Variants in MED20 observed in about 807,000 individuals in gnomAD.
MED20 encodes the protein mediator complex subunit 20, also known as mediator of RNA polymerase II transcription subunit 20.
A neutral mutation model predicts 19.7 loss-of-function variants in MED20; 19 were observed. The ratio of observed to expected loss-of-function variants is 0.96; its 90% CI spans 0.67 to 1.42. The LOEUF (loss-of-function observed/expected upper bound fraction) is 1.42, where lower values mean the gene tolerates loss of function less well. MED20 is among the 40% of genes most tolerant of loss of function. The probability of loss-of-function intolerance (pLI) is 0.00; values close to 1 mark genes in which losing one functional copy is unlikely to be tolerated. For synonymous variants in MED20, 105 were observed against 104.8 expected, an observed-to-expected ratio of 1.00 and a Z score of -0.01; for missense variants, 225 against 273.0, an observed-to-expected ratio of 0.82 and a Z score of 1.24.
chr6:41,917,414 AT>A, intron 1 of MED20: 1 of 179,000 alleles, frequency 5.6e-6, no homozygotes, highest in Non-Finnish European at 1.2e-5. Flanking sequence ...AAAAAAAAAA[AT>A]TTAAGACCAG....
chr6:41,913,255 C>T (rs1775240921), intron 2 of MED20, among the ~76,000 whole-genome samples: 1 of 152,134 alleles, frequency 6.6e-6, no homozygotes, highest in Non-Finnish European at 1.5e-5. Context: ...GTGTGAGAAT[C>T]ACTGATCTAA....
chr6:41,906,264 C>G lies in MED20; in HGVS notation c.*808G>C, dbSNP rs1376227519. 1.3e-5 allele frequency: 2 copies of G among 152,136 alleles called. No homozygotes were observed. Among genetic ancestry groups the G allele is most frequent in the East Asian group, 3.8e-4 (2 of 5,200 alleles). The allele number at this position is 152,136 out of a possible 1,614,324, so 9.4% of individuals were successfully genotyped here. ...CTCTCTCTCTTTCCCCAGTGGAATG[C>G]AGATATGGAGCTGATGAGTCTGCTT... On this transcript the variant is annotated 3_prime_UTR_variant, in exon 4 of 4. Transcript: ENST00000265350.
chr6:41,907,805 A>G (rs925418466), intron 3 of MED20, among the ~76,000 whole-genome samples: 2 of 152,206 alleles, frequency 1.3e-5, no homozygotes, highest in African/African-American at 4.8e-5. Flanking sequence ...CAAAAAATAT[A>G]CATCTTAGGT....
intron 1 of MED20, 26 bp downstream of exon 1, chr6:41,920,979 C>A: frequency 6.2e-7 from 1 of 1,607,308 alleles, no homozygotes; most frequent in Non-Finnish European, 8.5e-7. Context: ...CCAAGCCCCG[C>A]CCCACAAAAC....
intron 3 of MED20, 51 bp from the exon 4 acceptor site, chr6:41,907,338 T>C: frequency 6.5e-7 from 1 of 1,528,634 alleles, no homozygotes; most frequent in Non-Finnish European, 8.9e-7. Flanking sequence ...TAAGACAAGG[T>C]CTGCTTCTCT....
At chr6:41,908,186 G>C (rs990938917) in intron 3 of MED20, among the ~76,000 whole-genome samples, 1 of 152,226 alleles carries the variant, frequency 6.6e-6, no homozygotes, top group African/African-American at 2.4e-5. Context: ...TGAATTCCCA[G>C]AGCCAACTGC....
chr6:41,913,229 T>C (rs1561937651), intron 2 of MED20: 3 of 152,296 alleles, frequency 2.0e-5, no homozygotes, highest in East Asian at 3.9e-4. Flanking sequence ...TTTCAGATGA[T>C]GCTAATGCTG....
intron 2 of MED20, among the ~76,000 whole-genome samples, chr6:41,911,524 C>T (rs73733052): frequency 1.3e-4 from 19 of 151,686 alleles, no homozygotes; most frequent in East Asian, 3.9e-4. Context: ...ACAAGTCTTT[C>T]GGAAAAAGGA....
At chr6:41,911,307 C>T (rs1775188703) in intron 2 of MED20, among the ~76,000 whole-genome samples, 1 of 151,760 alleles carries the variant, frequency 6.6e-6, no homozygotes, top group African/African-American at 2.4e-5. Flanking sequence ...TGAGCCACCA[C>T]ACCTGGCTAA....
rs117379990 is a variant in MED20 at position 41,906,859 on chromosome 6, C to T, written c.*213G>A. The T allele has an allele frequency of 2.9e-4, 162 of 560,590 alleles. 1 individual carries two copies. In the East Asian group the frequency reaches 4.2e-3, roughly 15 times the overall value. 34.7% of individuals were successfully genotyped at this position (560,590 alleles called of 1,614,324 possible). A position where few individuals can be genotyped will look rare whatever the true frequency, so the allele number is the denominator to read the frequency against. On this transcript the variant is annotated 3_prime_UTR_variant, in exon 4 of 4. Coordinates refer to ENST00000265350, the MANE Select transcript of MED20 (RefSeq NM_004275.5). ...AGGACAGGCCAAATCCAGTAAGGCA[C>T]GGAGTAAAACAGCTGATGGGGGGCT...
intron 1 of MED20, chr6:41,917,555 C>T (rs999418010): frequency 9.1e-6 from 3 of 331,350 alleles, no homozygotes; most frequent in African/African-American, 6.5e-5. Context: ...GAATAGAGGA[C>T]CACAGTCCCT....
Position 41,907,005 on chromosome 6 carries a change from A to T in MED20, c.*67T>A. 1 of 1,481,284 alleles carries T rather than the reference A, an allele frequency of 6.8e-7. No individual in the cohort carries two copies. The highest frequency in any genetic ancestry group is 9.3e-7 in the Non-Finnish European group (1 of 1,070,950). The allele number at this position is 1,481,284 out of a possible 1,614,324, so 91.8% of individuals were successfully genotyped here. ...TGGGTTTCTGGGGTCCAGGGACCTGAAAGTCAGCACCTGCTCCTCCTGTGG... is the reference window on the plus strand; with the variant it reads ...TGGGTTTCTGGGGTCCAGGGACCTGTAAGTCAGCACCTGCTCCTCCTGTGG... On this transcript the variant is annotated 3_prime_UTR_variant, in exon 4 of 4. Coordinates refer to ENST00000265350, the MANE Select transcript of MED20 (RefSeq NM_004275.5).
chr6:41,907,316 G>T, intron 3 of MED20, 29 bp from the exon 4 acceptor site: 1 of 1,579,986 alleles, frequency 6.3e-7, no homozygotes, highest in Non-Finnish European at 8.6e-7. Context: ...GAGAATGAGG[G>T]TGAATGAAGG....
At chr6:41,917,945 C>A in intron 1 of MED20, 2 of 301,422 alleles carry the variant, frequency 6.6e-6, no homozygotes, top group Non-Finnish European at 7.4e-6. Flanking sequence ...AAGCAGTCTT[C>A]AAGTTTATAA....
At chr6:41,919,698 A>G (rs1401055335) in intron 1 of MED20, among the ~76,000 whole-genome samples, 1 of 152,158 alleles carries the variant, frequency 6.6e-6, no homozygotes. Flanking sequence ...GGGAGACCAA[A>G]GCAGGAGGCT....
Position 41,909,437 on chromosome 6 carries a change from A to G in MED20, c.255T>C (p.Leu85=). 1 of 1,614,248 alleles carries G rather than the reference A, an allele frequency of 6.2e-7. No individual in the cohort carries two copies. The highest frequency in any genetic ancestry group is 8.5e-7 in the Non-Finnish European group (1 of 1,180,044). ...GCACATCAAAGTTGGTGTCAGCAATAAGGCAAGGGCCATTCTCAAAGAGGG... is the reference window on the plus strand; with the variant it reads ...GCACATCAAAGTTGGTGTCAGCAATGAGGCAAGGGCCATTCTCAAAGAGGG... The part of the protein sequence containing the change: ...CFALFENGPC[L]IADTNFDVLM... Residue 85 remains leucine (L), a synonymous_variant, in exon 3 of 4, where the codon CTT becomes CTC. Transcript: ENST00000265350.
Position 41,921,118 on chromosome 6 carries a change from T to C in MED20, c.-100A>G. ...CAGTTCCCCAACACAACCTTCTGTC[T>C]CAGAAGGGACTCCGGAAATACGTAA... On this transcript the variant is annotated 5_prime_UTR_variant, in exon 1 of 4. Transcript: ENST00000265350. 3 of 1,469,056 alleles carry C rather than the reference T, an allele frequency of 2.0e-6. No homozygotes were observed. Among genetic ancestry groups the C allele is most frequent in the Non-Finnish European group, 2.8e-6 (3 of 1,069,778 alleles). 91.0% of individuals were successfully genotyped at this position (1,469,056 alleles called of 1,614,324 possible).
rs796361252 is a variant in MED20, at chr6:41,918,614, C to T, written c.15-1675G>A. ...AGATCACGAGGTCAGGAGATCAAGA[C>T]CATCCTGGCTAACACGGTGAAACCC... On this transcript the variant is annotated intron_variant, in intron 1 of 3. Transcript: ENST00000265350. Among the ~76,000 whole-genome samples the T allele has an allele frequency of 2.0e-5, 3 of 151,944 alleles. No homozygotes were observed. In the South Asian group the frequency reaches 6.2e-4, roughly 32 times the overall value.
In MED20 at chr6:41,906,328, A is replaced by C. The variant is rs906276059; in HGVS notation, c.*744T>G. 1.3e-5 allele frequency: 2 copies of C among 152,222 alleles called. No homozygotes were observed. Among genetic ancestry groups the C allele is most frequent in the Admixed American group, 6.5e-5 (1 of 15,274 alleles). The allele number at this position is 152,222 out of a possible 1,614,324, so 9.4% of individuals were successfully genotyped here. A position where few individuals can be genotyped will look rare whatever the true frequency, so the allele number is the denominator to read the frequency against. On this transcript the variant is annotated 3_prime_UTR_variant, in exon 4 of 4. Transcript: ENST00000265350. Reference sequence around the variant, plus strand: ...AAGAAAACATACTGGGAATGGCTGAATAAGACAGAAGGAAACAAAGTTCCT... The same window carrying C: ...AAGAAAACATACTGGGAATGGCTGACTAAGACAGAAGGAAACAAAGTTCCT...
Sources: gnomAD v4.1 joint callset for allele counts (sites outside exome capture counted in the v4.1 genomes callset) on GRCh38, gnomAD v4.1.1 for gene constraint, MANE v1.5 for transcripts, NCBI Gene and HGNC (gene_info 2026-07-23, HGNC 2026-07-21) for gene names.